Variants in SPRY3 observed in about 807,000 individuals in gnomAD.
SPRY3 encodes the protein sprouty RTK signaling antagonist 3.
Under a neutral mutation model 20.2 loss-of-function variants are expected in SPRY3, and 15 were observed. The observed-to-expected ratio is 0.74, with a 90% CI of 0.50 to 1.14. The LOEUF is 1.14. SPRY3 is among the 50% of genes most tolerant of loss of function. The pLI is 0.00. For synonymous variants in SPRY3, 143 were observed against 136.5 expected, an observed-to-expected ratio of 1.05 and a Z score of -0.33; for missense variants, 364 against 363.9, an observed-to-expected ratio of 1.00 and a Z score of 0.00.
At chrX:155,694,005 A>G (rs1002416225) in intron 2 of SPRY3, among the ~76,000 whole-genome samples, 4 of 111,691 alleles carry the variant, frequency 3.6e-5, no homozygotes, top group Non-Finnish European at 5.7e-5. Context: ...AGGTCTTGCT[A>G]TGTTGCCCAG....
intron 2 of SPRY3, among the ~76,000 whole-genome samples, chrX:155,739,442 C>A (rs111316138): frequency 2.0e-5 from 3 of 152,210 alleles, no homozygotes; most frequent in Non-Finnish European, 4.4e-5. Flanking sequence ...TAGTGCAGCA[C>A]ATCTGCTCAG....
intron 2 of SPRY3, among the ~76,000 whole-genome samples, chrX:155,662,928 G>T (rs937915066): frequency 1.8e-5 from 2 of 111,622 alleles, no homozygotes; most frequent in African/African-American, 6.5e-5. Flanking sequence ...GGCCATTTCA[G>T]CTGGCCACTA....
chrX:155,710,879 G>T (rs748986272), intron 2 of SPRY3, among the ~76,000 whole-genome samples: 2 of 151,468 alleles, frequency 1.3e-5, no homozygotes, highest in South Asian at 4.2e-4. Flanking sequence ...TATCATGAAG[G>T]GATGTTGAAT....
exon 4 of SPRY3, chrX:155,776,390 A>C (rs1202725039): frequency 1.2e-5 from 2 of 167,100 alleles, no homozygotes; most frequent in South Asian, 4.1e-4. Flanking sequence ...CTGAGAACTT[A>C]AATTTCAGCA....
chrX:155,698,924 G>A (rs1450293708), intron 2 of SPRY3, among the ~76,000 whole-genome samples: 2 of 111,742 alleles, frequency 1.8e-5, no homozygotes, highest in South Asian at 3.7e-4. Flanking sequence ...CTAATAAGTG[G>A]TATCCACATA....
At chrX:155,782,182 G>A (rs2091466930) in exon 2 of SPRY3, 1 of 166,990 alleles carries the variant, frequency 6.0e-6, no homozygotes. Flanking sequence ...ACTAGGAGGA[G>A]CTTCTTTTGT....
At chrX:155,692,598 G>A (rs901845838) in intron 2 of SPRY3, among the ~76,000 whole-genome samples, 4 of 111,051 alleles carry the variant, frequency 3.6e-5, no homozygotes, top group Admixed American at 1.9e-4. Context: ...TATTGTTATC[G>A]CATTAAATCT....
rs1287999842 is a variant in SPRY3 at position 155,749,251 on chromosome X, G to T, written c.-281-18711G>T. On this transcript the variant is annotated intron_variant, in intron 2 of 3. Coordinates refer to ENST00000675360, the Ensembl canonical transcript of SPRY3. ...TGTTGGTTATTCTTTTAGGCACTGGGGATACAGCAGTGAGTAAAATAGACA... is the reference window on the plus strand; with the variant it reads ...TGTTGGTTATTCTTTTAGGCACTGGTGATACAGCAGTGAGTAAAATAGACA... Among the ~76,000 whole-genome samples, 3 of 151,824 alleles carry T rather than the reference G, an allele frequency of 2.0e-5. No homozygotes were observed. In the East Asian group the frequency reaches 5.8e-4, roughly 29 times the overall value.
chrX:155,627,699 C>T (rs1372810513), intron 1 of SPRY3, among the ~76,000 whole-genome samples: 3 of 109,958 alleles, frequency 2.7e-5, no homozygotes, highest in Non-Finnish European at 5.7e-5. Flanking sequence ...ATGTGCAGAA[C>T]GTGCAGGTTT....
intron 2 of SPRY3, among the ~76,000 whole-genome samples, chrX:155,718,370 A>G (rs1011811763): frequency 5.9e-5 from 9 of 152,278 alleles, no homozygotes; most frequent in African/African-American, 1.2e-4. Context: ...ATAACTATGT[A>G]TAATTTTTGT....
chrX:155,695,109 C>G (rs1326722293), intron 2 of SPRY3, among the ~76,000 whole-genome samples: 1 of 111,966 alleles, frequency 8.9e-6, no homozygotes, highest in Non-Finnish European at 1.9e-5. Flanking sequence ...AAAAAATAAT[C>G]TTTCATATTT....
intron 2 of SPRY3, among the ~76,000 whole-genome samples, chrX:155,707,168 A>T (rs185080491): frequency 6.6e-6 from 1 of 151,350 alleles, no homozygotes; most frequent in East Asian, 1.9e-4. Flanking sequence ...GGGGCATACC[A>T]TAAATTTCGA....
chrX:155,697,695 C>T (rs987292696), intron 2 of SPRY3, among the ~76,000 whole-genome samples: 3 of 108,547 alleles, frequency 2.8e-5, no homozygotes, highest in Non-Finnish European at 5.7e-5. Flanking sequence ...TTCTGGAGAA[C>T]GCTGACTAAT....
intron 2 of SPRY3, among the ~76,000 whole-genome samples, chrX:155,749,351 G>A (rs778655382): frequency 1.5e-4 from 23 of 151,836 alleles, no homozygotes; most frequent in African/African-American, 5.5e-4. Context: ...GATTGAGGTA[G>A]TGATGGCAGA....
At chrX:155,647,552 C>T (rs373681565) in intron 1 of SPRY3, among the ~76,000 whole-genome samples, 2 of 110,316 alleles carry the variant, frequency 1.8e-5, no homozygotes, top group South Asian at 3.9e-4. Flanking sequence ...TGAGAACATG[C>T]AGTGTTTGGT....
At chrX:155,704,003 G>A (rs187538194) in intron 2 of SPRY3, among the ~76,000 whole-genome samples, 362 of 151,632 alleles carry the variant, frequency 2.4e-3, no homozygotes, top group Non-Finnish European at 3.1e-3. Context: ...GCAAACCCTC[G>A]CACTAAAGGC....
chrX:155,742,871 C>T (rs2091209785), intron 2 of SPRY3, among the ~76,000 whole-genome samples: 1 of 152,048 alleles, frequency 6.6e-6, no homozygotes, highest in Non-Finnish European at 1.5e-5. Flanking sequence ...TAAATGCCCA[C>T]ATCAAAAAGC....
At chrX:155,695,981 T>G (rs2068117244) in intron 2 of SPRY3, among the ~76,000 whole-genome samples, 1 of 110,954 alleles carries the variant, frequency 9.0e-6, no homozygotes, top group Admixed American at 9.7e-5. Flanking sequence ...ATTGGTCACA[T>G]TTTCCTGGCT....
At chrX:155,755,183 C>G (rs556522940) in intron 2 of SPRY3, among the ~76,000 whole-genome samples, 16 of 143,612 alleles carry the variant, frequency 1.1e-4, no homozygotes, top group African/African-American at 4.7e-4. Context: ...AATTCTTAGT[C>G]AAAACTTGCA....
Sources: allele counts gnomAD v4.1 joint callset (sites outside exome capture counted in the v4.1 genomes callset), GRCh38; gene constraint gnomAD v4.1.1; transcripts MANE v1.5; gene names NCBI Gene and HGNC (gene_info 2026-07-23, HGNC 2026-07-21).